The following TSNARE1 variants were observed in gnomAD, a reference collection of about 807,000 sequenced individuals.
TSNARE1 encodes the protein t-SNARE domain-containing protein 1.
TSNARE1 carries 49 observed loss-of-function variants against 62.0 expected under a neutral mutation model. The ratio of observed to expected loss-of-function variants is 0.79; its 90% CI spans 0.63 to 1.00. The LOEUF is 1.00. TSNARE1 is among the 50% of genes least tolerant of loss of function. The pLI is 0.00. For missense variants in TSNARE1, 755 were observed against 700.1 expected (o/e 1.08, Z -0.88); for synonymous variants, 328 against 294.4 (o/e 1.11, Z -1.17).
rs1176334072 is a variant in TSNARE1 at position 142,311,289 on chromosome 8, AGTTTT to A, written c.1131+3090_1131+3094del. Among the ~76,000 whole-genome samples, 390 of 68,806 alleles carry A rather than the reference AGTTTT, an allele frequency of 5.7e-3. 12 individuals are homozygous for A. In the East Asian group the frequency reaches 0.15, roughly 26 times the overall value. 45.1% of individuals were successfully genotyped at this position (68,806 alleles called of 152,430 possible). On this transcript the variant is annotated intron_variant, in intron 9 of 13. Transcript: ENST00000524325. The stretch of plus-strand genomic sequence containing the variant: ...GCGATTCTCCTGCCTCAGCCTCTCT[AGTTTT>A]TTTTTTTTTTTTTTTTTTTTGAGAT...
chr8:142,257,997 G>T (rs949807285), intron 12 of TSNARE1, among the ~76,000 whole-genome samples: 1 of 152,064 alleles, frequency 6.6e-6, no homozygotes. Flanking sequence ...CAACACTCAA[G>T]CTCACACACA....
intron 4 of TSNARE1, among the ~76,000 whole-genome samples, chr8:142,336,181 T>G (rs1230297897): frequency 6.6e-6 from 1 of 150,746 alleles, no homozygotes; most frequent in Non-Finnish European, 1.5e-5. Context: ...CTTGAAATGC[T>G]GAGGTGGGAA....
intron 12 of TSNARE1, among the ~76,000 whole-genome samples, chr8:142,261,670 G>A (rs1022059938): frequency 1.3e-5 from 2 of 152,044 alleles, no homozygotes; most frequent in Non-Finnish European, 2.9e-5. Context: ...GCCCCGGGGT[G>A]GGGGTGCAGG....
At chr8:142,331,973 C>T (rs72687392) in intron 4 of TSNARE1, 142 bp from the exon 5 acceptor site, 173,565 of 755,210 alleles carry the variant, frequency 0.23, 21,451 homozygotes, top group South Asian at 0.32. Flanking sequence ...ACTGCCTTTG[C>T]GGCTTGGCCA....
intron 11 of TSNARE1, among the ~76,000 whole-genome samples, chr8:142,283,986 T>C (rs572896960): frequency 8.2e-6 from 1 of 121,382 alleles, no homozygotes; most frequent in African/African-American, 3.0e-5. Context: ...GAGCAGAGTA[T>C]GGAGCCAGTG....
chr8:142,217,922 A>AGAATCAGGGCCCAGTATGTCAC (rs1815981507), intron 13 of TSNARE1, among the ~76,000 whole-genome samples: 1 of 36,000 alleles, frequency 2.8e-5, no homozygotes, highest in Admixed American at 2.9e-4. Context: ...CAGAGTGTGA[A>AGAATCAGGGCCCAGTATGTCAC]CAGGATCAGG....
At chr8:142,223,172 A>ACTC (rs879688669) in intron 13 of TSNARE1, among the ~76,000 whole-genome samples, 19,598 of 33,352 alleles carry the variant, frequency 0.59, 7,921 homozygotes, top group South Asian at 0.66. Flanking sequence ...TCACTCACTC[A>ACTC]AGTATTCACT....
chr8:142,227,341 C>T (rs1816874275), intron 13 of TSNARE1, among the ~76,000 whole-genome samples: 2 of 112,610 alleles, frequency 1.8e-5, no homozygotes, highest in African/African-American at 1.4e-4. Context: ...AGCCAGGACC[C>T]CCATCCTGCC....
At chr8:142,352,549 G>A (rs973116665) in intron 2 of TSNARE1, among the ~76,000 whole-genome samples, 10 of 152,260 alleles carry the variant, frequency 6.6e-5, no homozygotes, top group African/African-American at 1.9e-4. Flanking sequence ...CCTGAGATGC[G>A]GAACACGCAC....
chr8:142,373,073 C>G (rs1274532451), intron 1 of TSNARE1, among the ~76,000 whole-genome samples: 5 of 152,222 alleles, frequency 3.3e-5, no homozygotes, highest in African/African-American at 1.2e-4. Context: ...TCTGCTGAGA[C>G]CCCTGAGTGG....
intron 1 of TSNARE1, among the ~76,000 whole-genome samples, chr8:142,366,769 C>T (rs1208974556): frequency 6.6e-6 from 1 of 152,190 alleles, no homozygotes; most frequent in African/African-American, 2.4e-5. Context: ...ATGGTGGTGT[C>T]AGCCAATGCA....
intron 10 of TSNARE1, among the ~76,000 whole-genome samples, chr8:142,298,463 G>A (rs1825132942): frequency 6.6e-6 from 1 of 152,132 alleles, no homozygotes; most frequent in Non-Finnish European, 1.5e-5. Context: ...CCCAGGCCAG[G>A]ACAGTGAGAA....
At chr8:142,253,422 A>C (rs1223175637) in intron 12 of TSNARE1, among the ~76,000 whole-genome samples, 1 of 152,132 alleles carries the variant, frequency 6.6e-6, no homozygotes, top group Admixed American at 6.5e-5. Flanking sequence ...GTCACCCCCG[A>C]GTCACCACCC....
intron 1 of TSNARE1, among the ~76,000 whole-genome samples, chr8:142,358,850 G>GC: frequency 6.6e-6 from 1 of 152,096 alleles, no homozygotes; most frequent in South Asian, 2.1e-4. Flanking sequence ...CCCCCCAGGT[G>GC]CCCCACGCTT....
In TSNARE1 at chr8:142,320,819, C is replaced by T. The variant is rs570346134; in HGVS notation, c.894-2185G>A. Reference sequence around the variant, plus strand: ...ACGACTCACACTTTTCTCTGCTCCGCGCTGACCTCTCCACTCCTCTAGACT... The same window carrying T: ...ACGACTCACACTTTTCTCTGCTCCGTGCTGACCTCTCCACTCCTCTAGACT... On this transcript the variant is annotated intron_variant, in intron 6 of 13. Transcript: ENST00000524325. Among the ~76,000 whole-genome samples the T allele has an allele frequency of 3.9e-5, 6 of 152,348 alleles. No individual in the cohort carries two copies. The South Asian group carries it at 1.0e-3, about 26-fold the overall frequency.
chr8:142,283,144 T>G (rs1056804974), intron 11 of TSNARE1, among the ~76,000 whole-genome samples: 4 of 149,960 alleles, frequency 2.7e-5, no homozygotes, highest in South Asian at 2.1e-4. Flanking sequence ...GGCCAGTGTC[T>G]GTCAATGAGC....
chr8:142,222,908 C>CCCCT (rs1816478574), intron 13 of TSNARE1, among the ~76,000 whole-genome samples: 1 of 145,014 alleles, frequency 6.9e-6, no homozygotes, highest in African/African-American at 2.6e-5. Context: ...ACTTACTCAT[C>CCCCT]CACTCATTCA....
At chr8:142,307,866 C>A (rs546356498) in intron 9 of TSNARE1, among the ~76,000 whole-genome samples, 17 of 152,222 alleles carry the variant, frequency 1.1e-4, no homozygotes, top group Admixed American at 7.9e-4. Context: ...ACCGCCTGCA[C>A]GCAGCCCACG....
chr8:142,318,483 C>T (rs1828930873), intron 7 of TSNARE1, 61 bp downstream of exon 7: 1 of 1,516,684 alleles, frequency 6.6e-7, no homozygotes, highest in South Asian at 1.1e-5. Flanking sequence ...TCCCTGCTCC[C>T]ATCACAGGCA....
Sources: gnomAD v4.1 joint callset for allele counts (sites outside exome capture counted in the v4.1 genomes callset) on GRCh38, gnomAD v4.1.1 for gene constraint, MANE v1.5 for transcripts, NCBI Gene and HGNC (gene_info 2026-07-23, HGNC 2026-07-21) for gene names.